STOX1: variants seen among roughly 807,000 people sequenced by gnomAD.
STOX1 encodes the protein storkhead box 1.
STOX1 carries 57 observed loss-of-function variants against 74.8 expected under a neutral mutation model. That is an observed-to-expected ratio of 0.76 (90% CI 0.62 to 0.95). The LOEUF (loss-of-function observed/expected upper bound fraction) is 0.95, where lower values mean the gene tolerates loss of function less well. Ranked by LOEUF, STOX1 falls within the 40% of genes least tolerant of loss-of-function variation. The pLI, the probability that STOX1 is intolerant of heterozygous loss-of-function variation, is 0.00. For synonymous variants in STOX1, 375 were observed against 401.3 expected (o/e 0.93, Z 0.78); for missense variants, 1,010 against 1,117.0 (o/e 0.90, Z 1.37).
chr10:68,844,763 T>A (rs1409142222), intron 1 of STOX1, among the ~76,000 whole-genome samples: 3 of 152,166 alleles, frequency 2.0e-5, no homozygotes, highest in Non-Finnish European at 4.4e-5. Flanking sequence ...TTTTATTTTT[T>A]AATATTTATT....
chr10:68,835,649 C>T (rs928269139), intron 1 of STOX1, among the ~76,000 whole-genome samples: 6 of 152,204 alleles, frequency 3.9e-5, no homozygotes, highest in African/African-American at 1.4e-4. Flanking sequence ...AGCCACCGTG[C>T]CTGGCCTGTT....
intron 1 of STOX1, among the ~76,000 whole-genome samples, chr10:68,869,337 T>C (rs1840483743): frequency 6.6e-6 from 1 of 152,162 alleles, no homozygotes. Flanking sequence ...TAAGGAATGA[T>C]TGAGGGACTG....
chr10:68,876,390 A>G (rs1241247821), intron 1 of STOX1, among the ~76,000 whole-genome samples: 1 of 151,994 alleles, frequency 6.6e-6, no homozygotes, highest in Non-Finnish European at 1.5e-5. Flanking sequence ...TCCCGACCTC[A>G]GGTGATCCGC....
chr10:68,847,405 G>GGTTTTGTTTT (rs60685330), intron 1 of STOX1, among the ~76,000 whole-genome samples: 63,267 of 150,620 alleles, frequency 0.42, 13,853 homozygotes, highest in Non-Finnish European at 0.49. Context: ...GAAGGTAGAA[G>GGTTTTGTTTT]GTTTTGTTTT....
intron 3 of STOX1, among the ~76,000 whole-genome samples, chr10:68,888,254 C>T (rs1201151445): frequency 2.0e-5 from 3 of 152,020 alleles, no homozygotes; most frequent in Non-Finnish European, 4.4e-5. Flanking sequence ...GTGCCCGCCA[C>T]CACGCCTGAC....
In STOX1 at chr10:68,885,484, C is replaced by T. The variant is rs1564588444; in HGVS notation, c.1688C>T (p.Ser563Phe). Residue 563 changes from serine to phenylalanine, a missense_variant, in exon 3 of 4, where the codon TCC becomes TTC. Ser to Phe is a radical substitution (Grantham distance 155, BLOSUM62 -2). Transcript: ENST00000298596. ...CCTAATGATAAAATGGAAGCAGAAT[C>T]CATTTACATAAATGACCCTACTGTC... ...EQPNDKMEAE[S>F]IYINDPTVKP... The T allele has an allele frequency of 1.2e-6, 2 of 1,614,190 alleles. No individual in the cohort carries two copies. The highest frequency in any genetic ancestry group is 3.3e-5 in the Admixed American group (2 of 60,020).
chr10:68,894,718 G>A (rs141527583), downstream of STOX1, among the ~76,000 whole-genome samples: 2 of 152,164 alleles, frequency 1.3e-5, no homozygotes, highest in East Asian at 3.9e-4. Context: ...GTTAAGAGAA[G>A]TATTTTAACA....
chr10:68,865,376 G>A lies in STOX1; in HGVS notation c.311-16582G>A, dbSNP rs536334617. The stretch of plus-strand genomic sequence containing the variant: ...ATTAAAGGCCAGTTTTTGGCCGGGC[G>A]CAGTGGCTCACGCCTGTAATCCCAG... On this transcript the variant is annotated intron_variant, in intron 1 of 3. Coordinates refer to ENST00000298596, the MANE Select transcript of STOX1 (RefSeq NM_152709.5). Among the ~76,000 whole-genome samples, 95 of 152,312 alleles carry A rather than the reference G, an allele frequency of 6.2e-4. 1 individual carries two copies. Among genetic ancestry groups the A allele is most frequent in the African/African-American group, 2.2e-3 (91 of 41,574 alleles).
intron 1 of STOX1, among the ~76,000 whole-genome samples, chr10:68,851,313 A>G (rs920190938): frequency 2.6e-5 from 4 of 151,912 alleles, no homozygotes; most frequent in Admixed American, 2.0e-4. Flanking sequence ...AAAAAAAAAA[A>G]AAAGAAAAAA....
chr10:68,857,617 AC>A (rs1182933443), intron 1 of STOX1, among the ~76,000 whole-genome samples: 4 of 152,100 alleles, frequency 2.6e-5, no homozygotes, highest in African/African-American at 9.7e-5. Flanking sequence ...TTTATCCTAA[AC>A]CCAATTCTTA....
intron 1 of STOX1, among the ~76,000 whole-genome samples, chr10:68,857,751 C>T (rs1840163440): frequency 6.6e-6 from 1 of 152,068 alleles, no homozygotes; most frequent in South Asian, 2.1e-4. Context: ...ATTGGCTTTG[C>T]CCCCTAAATT....
intron 1 of STOX1, among the ~76,000 whole-genome samples, chr10:68,879,810 C>G (rs980417845): frequency 2.0e-5 from 3 of 152,142 alleles, no homozygotes; most frequent in African/African-American, 7.2e-5. Flanking sequence ...CTACTGGCAT[C>G]TAGTGGGTAG....
chr10:68,890,418 C>G (rs970258761), intron 3 of STOX1, among the ~76,000 whole-genome samples: 1 of 152,062 alleles, frequency 6.6e-6, no homozygotes, highest in African/African-American at 2.4e-5. Context: ...CCATCTTGGT[C>G]TCTCAAAGTG....
chr10:68,885,657 T>G lies in STOX1; in HGVS notation c.1861T>G (p.Leu621Val). The change falls in exon 3 of 4, where the codon TTG (leucine) becomes GTG (valine). Residue 621 changes from leucine (L) to valine (V), a missense_variant. Leu to Val is a conservative substitution (Grantham distance 32). Coordinates refer to ENST00000298596, the MANE Select transcript of STOX1 (RefSeq NM_152709.5). ...AGAAAATGAGGTAATTCCTGAAGTC[T>G]TGAGGAAAAGTCATTCCCACTTTGA... ...GGENEVIPEV[L>V]RKSHSHFDKL... is the part of the protein sequence containing the mutation. 6.2e-7 allele frequency: 1 copy of G among 1,614,198 alleles called. No individual in the cohort carries two copies. The highest frequency in any genetic ancestry group is 8.5e-7 in the Non-Finnish European group (1 of 1,180,048).
At chr10:68,873,664 TTC>T (rs1554830129) in intron 1 of STOX1, among the ~76,000 whole-genome samples, 2 of 139,732 alleles carry the variant, frequency 1.4e-5, no homozygotes, top group African/African-American at 2.7e-5. Context: ...TTTTTTTTTT[TTC>T]TTTTTTTTGA....
chr10:68,876,738 T>A (rs1466888708), intron 1 of STOX1, among the ~76,000 whole-genome samples: 1 of 152,116 alleles, frequency 6.6e-6, no homozygotes, highest in East Asian at 1.9e-4. Flanking sequence ...CCCGCTAAGC[T>A]CAAGGGTCAA....
At chr10:68,889,633 G>A (rs758341394) in intron 3 of STOX1, among the ~76,000 whole-genome samples, 25 of 151,990 alleles carry the variant, frequency 1.6e-4, no homozygotes, top group Admixed American at 3.9e-4. Context: ...GTGCGATCTC[G>A]GCTCACAGCA....
intron 1 of STOX1, among the ~76,000 whole-genome samples, chr10:68,845,877 T>C (rs560275595): frequency 6.6e-6 from 1 of 151,636 alleles, no homozygotes; most frequent in African/African-American, 2.4e-5. Context: ...GCTGGGATTA[T>C]AGGTGTGACC....
chr10:68,829,330 A>C (rs189372268), intron 1 of STOX1, among the ~76,000 whole-genome samples: 1 of 152,294 alleles, frequency 6.6e-6, no homozygotes, highest in East Asian at 1.9e-4. Flanking sequence ...AGTCTGGCTA[A>C]TACGGTGAAA....
Sources: allele counts gnomAD v4.1 joint callset (sites outside exome capture counted in the v4.1 genomes callset), GRCh38; gene constraint gnomAD v4.1.1; transcripts MANE v1.5; gene names NCBI Gene and HGNC (gene_info 2026-07-23, HGNC 2026-07-21).